The following KCTD16 variants were observed in gnomAD, a reference collection of about 807,000 sequenced individuals.
KCTD16 encodes the protein potassium channel tetramerization domain containing 16.
A neutral mutation model predicts 33.2 loss-of-function variants in KCTD16; 13 were observed. That is an observed-to-expected ratio of 0.39 (90% CI 0.25 to 0.62). The LOEUF (loss-of-function observed/expected upper bound fraction) is 0.62, where lower values mean the gene tolerates loss of function less well. Among genes scored for constraint, KCTD16 ranks in the 20% least tolerant of loss-of-function variants. The pLI, the probability that KCTD16 is intolerant of heterozygous loss-of-function variation, is 0.50. For synonymous variants in KCTD16, 197 were observed against 195.3 expected (o/e 1.01, Z -0.07); for missense variants, 441 against 525.1 (o/e 0.84, Z 1.57).
At chr5:144,182,393 A>G (rs946722247) in intron 2 of KCTD16, among the ~76,000 whole-genome samples, 3 of 152,202 alleles carry the variant, frequency 2.0e-5, no homozygotes, top group African/African-American at 7.2e-5. Flanking sequence ...ACTAAAACAT[A>G]TGTGGAATCT....
Position 144,206,632 on chromosome 5 carries a change from T to G in KCTD16, c.-83T>G, listed in dbSNP as rs2126789357. On this transcript the variant is annotated 5_prime_UTR_variant, in exon 3 of 4. Transcript: ENST00000512467. ...TAAGTTAGCATCCTTTTCCCTTTCT[T>G]ACAAGTTGATCCAAAGGATAAGGCT... is the stretch of plus-strand genomic sequence containing the variant. 1 of 1,194,832 alleles carries G rather than the reference T, an allele frequency of 8.4e-7. No homozygotes were observed. The highest frequency in any genetic ancestry group is 2.3e-5 in the East Asian group (1 of 42,572). 74.0% of individuals were successfully genotyped at this position (1,194,832 alleles called of 1,614,324 possible).
At chr5:144,172,902 A>G (rs974819302) in intron 1 of KCTD16, among the ~76,000 whole-genome samples, 4 of 152,114 alleles carry the variant, frequency 2.6e-5, no homozygotes, top group African/African-American at 7.2e-5. Flanking sequence ...TGATGTTTCT[A>G]TTTCTTCTGA....
intron 3 of KCTD16, among the ~76,000 whole-genome samples, chr5:144,299,131 TATATATATATATATATA>T (rs1561558705): frequency 1.3e-3 from 40 of 30,236 alleles, no homozygotes; most frequent in East Asian, 6.8e-3. Context: ...TATATATATA[TATATATATATATATATA>T]TTTTTTTTTT....
chr5:144,271,178 A>G (rs1195185245), intron 3 of KCTD16, among the ~76,000 whole-genome samples: 1 of 152,068 alleles, frequency 6.6e-6, no homozygotes, highest in Admixed American at 6.5e-5. Context: ...TGAGGCCAGT[A>G]TTACCTTAAT....
chr5:144,463,799 A>G (rs1173007154), intron 3 of KCTD16, among the ~76,000 whole-genome samples: 1 of 152,214 alleles, frequency 6.6e-6, no homozygotes, highest in Non-Finnish European at 1.5e-5. Context: ...TCTGTAAGGA[A>G]AGTGCTTAGA....
chr5:144,379,175 T>A (rs1752157341), intron 3 of KCTD16, among the ~76,000 whole-genome samples: 1 of 152,188 alleles, frequency 6.6e-6, no homozygotes, highest in African/African-American at 2.4e-5. Flanking sequence ...CCTTCTCTCC[T>A]GCCCATAAGG....
intron 3 of KCTD16, among the ~76,000 whole-genome samples, chr5:144,398,822 C>A (rs747367005): frequency 1.7e-4 from 26 of 150,620 alleles, no homozygotes; most frequent in Non-Finnish European, 3.4e-4. Context: ...ATTTTTATTT[C>A]TTTAGGATTT....
rs1344035860 is a variant in KCTD16, at chr5:144,481,701, G to A, written c.*7587G>A. 6.6e-6 allele frequency: 1 copy of A among 151,794 alleles called. No homozygotes were observed. The highest frequency in any genetic ancestry group is 2.4e-5 in the African/African-American group (1 of 41,348). The allele number at this position is 151,794 out of a possible 1,614,324, so 9.4% of individuals were successfully genotyped here. ...TGCATATATCCAGCAAATATTTGTT[G>A]GGTACATACTATATATAGGTCACTG... On this transcript the variant is annotated 3_prime_UTR_variant, in exon 4 of 4. Coordinates refer to ENST00000512467, the MANE Select transcript of KCTD16 (RefSeq NM_020768.4).
chr5:144,478,696 T>C lies in KCTD16; in HGVS notation c.*4582T>C, dbSNP rs1754644078. 6.6e-6 allele frequency: 1 copy of C among 152,058 alleles called. No homozygotes were observed. Among genetic ancestry groups the C allele is most frequent in the African/African-American group, 2.4e-5 (1 of 41,446 alleles). The allele number at this position is 152,058 out of a possible 1,614,324, so 9.4% of individuals were successfully genotyped here. A position where few individuals can be genotyped will look rare whatever the true frequency, so the allele number is the denominator to read the frequency against. ...GAAAAATTCTGCTGTTTAGGGAATA[T>C]GCAGAGGCCAAGAGTTCCTTTACTC... On this transcript the variant is annotated 3_prime_UTR_variant, in exon 4 of 4. Transcript: ENST00000512467.
chr5:144,398,822 C>T (rs747367005), intron 3 of KCTD16, among the ~76,000 whole-genome samples: 6 of 150,620 alleles, frequency 4.0e-5, no homozygotes, highest in African/African-American at 1.2e-4. Flanking sequence ...ATTTTTATTT[C>T]TTTAGGATTT....
intron 3 of KCTD16, among the ~76,000 whole-genome samples, chr5:144,227,476 T>C (rs1203646425): frequency 6.6e-6 from 1 of 152,226 alleles, no homozygotes; most frequent in Admixed American, 6.5e-5. Context: ...TAGGGATTTA[T>C]AGGTCTTTGT....
chr5:144,450,448 A>C (rs1265888976), intron 3 of KCTD16, among the ~76,000 whole-genome samples: 1 of 152,146 alleles, frequency 6.6e-6, no homozygotes, highest in African/African-American at 2.4e-5. Flanking sequence ...ATTTCTGGGC[A>C]TATATTCAAA....
intron 3 of KCTD16, among the ~76,000 whole-genome samples, chr5:144,291,487 G>A (rs566579446): frequency 6.6e-6 from 1 of 152,090 alleles, no homozygotes; most frequent in African/African-American, 2.4e-5. Context: ...CTTATTGAAA[G>A]ATCTTGTACC....
chr5:144,194,299 A>G (rs1331514951), intron 2 of KCTD16, among the ~76,000 whole-genome samples: 1 of 152,264 alleles, frequency 6.6e-6, no homozygotes, highest in Non-Finnish European at 1.5e-5. Flanking sequence ...TAACTTGTCA[A>G]GTAGAAAATG....
Position 144,207,228 on chromosome 5 carries a change from G to A in KCTD16, c.514G>A (p.Gly172Arg). The A allele has an allele frequency of 6.2e-7, 1 of 1,614,090 alleles. No homozygotes were observed. The highest frequency in any genetic ancestry group is 8.5e-7 in the Non-Finnish European group (1 of 1,179,972). ...GGGTTTCATTACTGTGGGTTACAGAGGATCCTGCACCTTGGGCAGAGAGGG... is the reference window on the plus strand; with the variant it reads ...GGGTTTCATTACTGTGGGTTACAGAAGATCCTGCACCTTGGGCAGAGAGGG... The part of the protein sequence containing the change: ...KWGFITVGYR[G>R]SCTLGREGQA... Residue 172 changes from glycine (G) to arginine (R), a missense_variant, in exon 3 of 4, where the codon GGA (glycine) becomes AGA (arginine). Gly to Arg is a moderately radical substitution (Grantham distance 125). Transcript: ENST00000512467.
intron 3 of KCTD16, among the ~76,000 whole-genome samples, chr5:144,244,364 C>A (rs1463733389): frequency 6.6e-6 from 1 of 152,078 alleles, no homozygotes; most frequent in African/African-American, 2.4e-5. Context: ...GCATTAAGAG[C>A]AAATTTGATA....
At chr5:144,212,764 G>A (rs1753437380) in intron 3 of KCTD16, among the ~76,000 whole-genome samples, 1 of 152,102 alleles carries the variant, frequency 6.6e-6, no homozygotes, top group South Asian at 2.1e-4. Flanking sequence ...CAAGTATTGT[G>A]TTTCTTGGCA....
rs188919017 is a variant in KCTD16 at position 144,466,945 on chromosome 5, G to A, written c.833-6715G>A. Reference sequence around the variant, plus strand: ...AGTTTCTGGTTTGGAAGAGTTAACCGTTACTATATATATTATATATATTAT... The same window carrying A: ...AGTTTCTGGTTTGGAAGAGTTAACCATTACTATATATATTATATATATTAT... On this transcript the variant is annotated intron_variant, in intron 3 of 3. Transcript: ENST00000512467. Among the ~76,000 whole-genome samples the A allele has an allele frequency of 2.0e-4, 27 of 133,432 alleles. 1 individual carries two copies. The East Asian group carries it at 5.5e-3, about 27-fold the overall frequency. 87.5% of individuals were successfully genotyped at this position (133,432 alleles called of 152,430 possible).
intron 3 of KCTD16, among the ~76,000 whole-genome samples, chr5:144,416,318 G>C (rs1042364112): frequency 3.3e-5 from 5 of 152,176 alleles, no homozygotes; most frequent in Non-Finnish European, 5.9e-5. Context: ...CTTTTGTTAA[G>C]GTGAGTTGTT....
Sources: gnomAD v4.1 joint callset for allele counts (sites outside exome capture counted in the v4.1 genomes callset) on GRCh38, gnomAD v4.1.1 for gene constraint, MANE v1.5 for transcripts, NCBI Gene and HGNC (gene_info 2026-07-23, HGNC 2026-07-21) for gene names.